NPAS1: variants seen among roughly 807,000 people sequenced by gnomAD.
NPAS1 encodes neuronal PAS domain-containing protein 1.
In NPAS1, 29 loss-of-function variants were observed where a neutral mutation model predicts 49.2. That is an observed-to-expected ratio of 0.59 (90% CI 0.44 to 0.80). The LOEUF is 0.80. Ranked by LOEUF, NPAS1 falls within the 30% of genes least tolerant of loss-of-function variation. The pLI is 0.00. For missense variants in NPAS1, 825 were observed against 835.5 expected, an observed-to-expected ratio of 0.99 and a Z score of 0.15; for synonymous variants, 408 against 380.4, an observed-to-expected ratio of 1.07 and a Z score of -0.84.
intron 6 of NPAS1, among the ~76,000 whole-genome samples, chr19:47,038,633 C>T (rs1181566580): frequency 6.6e-6 from 1 of 152,072 alleles, no homozygotes; most frequent in Non-Finnish European, 1.5e-5. Context: ...TCAAAACCAG[C>T]CTGGCCAACA....
intron 3 of NPAS1, among the ~76,000 whole-genome samples, chr19:47,027,053 T>C (rs1391415425): frequency 1.1e-4 from 16 of 152,000 alleles, no homozygotes; most frequent in Admixed American, 7.9e-4. Context: ...GTAGACCCAT[T>C]TTACAGATGA....
Position 47,045,483 on chromosome 19 carries a change from C to T in NPAS1, c.1605C>T (p.Gly535=). Residue 535 remains glycine (G), a synonymous_variant, in exon 12 of 12, where the codon GGC becomes GGT. Coordinates refer to ENST00000602212, the MANE Select transcript of NPAS1 (RefSeq NM_002517.4). Reference sequence around the variant, plus strand: ...GCTTCCTGCCGCCGGTGGTGCGGGGCCTGTGCACACCCGGCACCATCCGCT... The same window carrying T: ...GCTTCCTGCCGCCGGTGGTGCGGGGTCTGTGCACACCCGGCACCATCCGCT... ...HAGFLPPVVR[G]LCTPGTIRYG... is the part of the protein sequence containing the mutation. The T allele has an allele frequency of 1.9e-6, 3 of 1,567,710 alleles. No individual in the cohort carries two copies. The highest frequency in any genetic ancestry group is 2.6e-6 in the Non-Finnish European group (3 of 1,161,028).
rs559556142 is a variant in NPAS1, at chr19:47,021,891, C to G, written c.358+44C>G. 90 of 1,282,886 alleles carry G rather than the reference C, an allele frequency of 7.0e-5. No individual in the cohort carries two copies. The African/African-American group carries it at 1.3e-3, about 19-fold the overall frequency. The allele number at this position is 1,282,886 out of a possible 1,614,324, so 79.5% of individuals were successfully genotyped here. A position where few individuals can be genotyped will look rare whatever the true frequency, so the allele number is the denominator to read the frequency against. On this transcript the variant is annotated intron_variant, in intron 3 of 11. Coordinates refer to ENST00000602212, the MANE Select transcript of NPAS1 (RefSeq NM_002517.4). This position sits in a 1 kb window ranked among gnomAD's most constrained non-coding sequence, Gnocchi z 5.7. ...GGCGAGGGTCCCGGGGCCCTCCAGG[C>G]GGAGTCACTGCAGCCCAGATCCGGG...
Position 47,021,899 on chromosome 19 carries a change from C to G in NPAS1, c.358+52C>G. On this transcript the variant is annotated intron_variant, in intron 3 of 11. Transcript: ENST00000602212. The surrounding 1 kb of genome is among the most constrained non-coding windows in gnomAD (Gnocchi z 5.7). ...TCCCGGGGCCCTCCAGGCGGAGTCA[C>G]TGCAGCCCAGATCCGGGCTGCGGGC... 8.1e-7 allele frequency: 1 copy of G among 1,230,400 alleles called. No homozygotes were observed. Among genetic ancestry groups the G allele is most frequent in the Non-Finnish European group, 1.1e-6 (1 of 935,938 alleles). The allele number at this position is 1,230,400 out of a possible 1,614,324, so 76.2% of individuals were successfully genotyped here. A position where few individuals can be genotyped will look rare whatever the true frequency, so the allele number is the denominator to read the frequency against.
intron 5 of NPAS1, among the ~76,000 whole-genome samples, chr19:47,033,428 G>A (rs557431804): frequency 6.6e-6 from 1 of 151,864 alleles, no homozygotes; most frequent in South Asian, 2.1e-4. Context: ...TTTAAATAGA[G>A]ACAGGGTTTC....
At chr19:47,034,313 TCAAA>T (rs2056930835) in intron 5 of NPAS1, among the ~76,000 whole-genome samples, 2 of 31,452 alleles carry the variant, frequency 6.4e-5, no homozygotes, top group Non-Finnish European at 6.8e-5. Context: ...AAACTCCGTC[TCAAA>T]AAAAAAAAAA....
In NPAS1 at chr19:47,021,192, GGCCGC is replaced by G; in HGVS notation, c.122+25_122+29del. ...GTGGTGAGCAAAGCCCCGCCCCCCT[GGCCGC>G]GGGCCCCCCCCCGGGTCCAATTCAC... On this transcript the variant is annotated intron_variant, in intron 2 of 11. Transcript: ENST00000602212. This position sits in a 1 kb window ranked among gnomAD's most constrained non-coding sequence, Gnocchi z 5.7. 5 of 1,501,102 alleles carry G rather than the reference GGCCGC, an allele frequency of 3.3e-6. No homozygotes were observed. Among genetic ancestry groups the G allele is most frequent in the Non-Finnish European group, 4.4e-6 (5 of 1,126,492 alleles). The allele number at this position is 1,501,102 out of a possible 1,614,324, so 93.0% of individuals were successfully genotyped here. A position where few individuals can be genotyped will look rare whatever the true frequency, so the allele number is the denominator to read the frequency against.
chr19:47,032,567 A>T, intron 4 of NPAS1, 76 bp from the exon 5 acceptor site: 1 of 1,390,568 alleles, frequency 7.2e-7, no homozygotes, highest in Admixed American at 1.7e-5. Context: ...AGGTTTCAGA[A>T]CCTCTTACCA....
chr19:47,039,570 G>GGGGTTGGGGGCTGTGGCGGGT lies in NPAS1; in HGVS notation c.962+9_962+29dup. The GGGGTTGGGGGCTGTGGCGGGT allele has an allele frequency of 6.4e-7, 1 of 1,553,600 alleles. No individual in the cohort carries two copies. Among genetic ancestry groups the GGGGTTGGGGGCTGTGGCGGGT allele is most frequent in the East Asian group, 2.3e-5 (1 of 43,874 alleles). ...ATCCTTGCTTGTGAGAGCAGGTACC[G>GGGGTTGGGGGCTGTGGCGGGT]GGGTTGGGGGCTGTGGCGGGTGGAT... On this transcript the variant is annotated splice_region_variant and intron_variant, in intron 8 of 11. Transcript: ENST00000602212.
intron 3 of NPAS1, among the ~76,000 whole-genome samples, chr19:47,030,636 C>CTTTT (rs55931402): frequency 9.3e-5 from 9 of 96,796 alleles, no homozygotes; most frequent in Non-Finnish European, 1.0e-4. Context: ...GGCCCTTTGC[C>CTTTT]TTTTTTTTTT....
chr19:47,020,742 G>A, intron 1 of NPAS1: 1 of 181,734 alleles, frequency 5.5e-6, no homozygotes. Context: ...TTGGTATGCG[G>A]GAGCCGGCCC....
intron 7 of NPAS1, 45 bp from the exon 8 acceptor site, chr19:47,039,361 CA>C (rs2056993988): frequency 1.2e-6 from 2 of 1,605,760 alleles, no homozygotes; most frequent in Non-Finnish European, 1.7e-6. Flanking sequence ...CTCTTGCCCC[CA>C]CTGGCCCGCC....
At chr19:47,045,124 C>G (rs1427177684) in intron 11 of NPAS1, 67 bp from the exon 12 acceptor site, 2 of 1,488,622 alleles carry the variant, frequency 1.3e-6, no homozygotes, top group African/African-American at 1.4e-5. Flanking sequence ...AAGCACAGCT[C>G]CATTCCACAG....
intron 10 of NPAS1, 115 bp from the exon 11 acceptor site, chr19:47,042,695 G>A: frequency 5.4e-6 from 4 of 733,982 alleles, no homozygotes; most frequent in Non-Finnish European, 8.6e-6. Context: ...TCAGGGTGGG[G>A]ACTCCACATT....
chr19:47,045,207 G>A lies in NPAS1; in HGVS notation c.1329G>A (p.Thr443=). ...GPEPTEPEPP[T]EGKQAAPAEN... ...CTCTTCCAGAGCCGGAGCCTCCGAC[G>A]GAAGGGAAGCAGGCTGCCCCAGCGG... Residue 443 remains threonine, a synonymous_variant, in exon 12 of 12, where the codon ACG becomes ACA. Transcript: ENST00000602212. 1.9e-6 allele frequency: 3 copies of A among 1,613,632 alleles called. No homozygotes were observed. Among genetic ancestry groups the A allele is most frequent in the African/African-American group, 1.3e-5 (1 of 75,042 alleles).
At chr19:47,040,801 AC>A in intron 9 of NPAS1, 176 bp from the exon 10 acceptor site, 1 of 626,302 alleles carries the variant, frequency 1.6e-6, no homozygotes, top group East Asian at 2.9e-5. Context: ...CTGCTGGGCT[AC>A]CTCTCAGTCT....
chr19:47,041,746 A>C (rs1486563531), intron 10 of NPAS1, among the ~76,000 whole-genome samples: 1 of 152,148 alleles, frequency 6.6e-6, no homozygotes, highest in Non-Finnish European at 1.5e-5. Flanking sequence ...AGGCCAAGGC[A>C]GGTGGTTTGC....
chr19:47,029,382 C>G (rs1381409465), intron 3 of NPAS1, among the ~76,000 whole-genome samples: 1 of 134,902 alleles, frequency 7.4e-6, no homozygotes, highest in African/African-American at 2.8e-5. Flanking sequence ...CTGCACCCGG[C>G]CTTAGTATTT....
At chr19:47,028,214 C>T (rs2056886022) in intron 3 of NPAS1, among the ~76,000 whole-genome samples, 1 of 152,074 alleles carries the variant, frequency 6.6e-6, no homozygotes, top group Non-Finnish European at 1.5e-5. Flanking sequence ...AAAATTGCGA[C>T]AATTAGCAGG....
Sources: gnomAD v4.1 joint callset for allele counts (sites outside exome capture counted in the v4.1 genomes callset) on GRCh38, gnomAD v4.1.1 for gene constraint, Gnocchi (gnomAD v3.1) non-coding constraint, MANE v1.5 for transcripts, NCBI Gene and HGNC (gene_info 2026-07-23, HGNC 2026-07-21) for gene names.